BRMS1L: variants seen among roughly 807,000 people sequenced by gnomAD.
The protein encoded by BRMS1L is breast cancer metastasis-suppressor 1-like protein.
A neutral mutation model predicts 50.3 loss-of-function variants in BRMS1L; 23 were observed. That is an observed-to-expected ratio of 0.46 (90% CI 0.33 to 0.65). The LOEUF (loss-of-function observed/expected upper bound fraction) is 0.65, where lower values mean the gene tolerates loss of function less well. BRMS1L is among the 30% of genes least tolerant of loss of function. The pLI, the probability that BRMS1L is intolerant of heterozygous loss-of-function variation, is 0.02. For synonymous variants in BRMS1L, 114 were observed against 126.9 expected (o/e 0.90, Z 0.69); for missense variants, 286 against 386.1 (o/e 0.74, Z 2.17).
intron 4 of BRMS1L, among the ~76,000 whole-genome samples, chr14:35,837,697 T>A (rs114127301): frequency 0.03 from 4,596 of 152,030 alleles, 188 homozygotes; most frequent in African/African-American, 0.088. Flanking sequence ...ACTAGGCATG[T>A]GCCACCATGC....
intron 8 of BRMS1L, chr14:35,866,051 G>T: frequency 3.4e-6 from 1 of 293,040 alleles, no homozygotes; most frequent in Non-Finnish European, 6.2e-6. Context: ...TCATTCTATA[G>T]GGGAGGTATT....
chr14:35,830,395 A>G (rs2077903741), intron 1 of BRMS1L, among the ~76,000 whole-genome samples: 1 of 151,824 alleles, frequency 6.6e-6, no homozygotes, highest in African/African-American at 2.4e-5. Context: ...TTTTTGAGAC[A>G]GGATCTCTGT....
chr14:35,835,644 A>AC (rs2077981974), intron 4 of BRMS1L, among the ~76,000 whole-genome samples: 1 of 152,144 alleles, frequency 6.6e-6, no homozygotes. Context: ...GGAAGTCAAG[A>AC]CCAGTCTGGG....
intron 1 of BRMS1L, among the ~76,000 whole-genome samples, chr14:35,826,929 C>T (rs912627540): frequency 2.6e-5 from 4 of 152,204 alleles, no homozygotes; most frequent in Non-Finnish European, 5.9e-5. Context: ...CTGGAGCGAC[C>T]AGCCCAGGCG....
chr14:35,865,140 A>G, intron 7 of BRMS1L, 141 bp downstream of exon 7: 2 of 551,722 alleles, frequency 3.6e-6, no homozygotes, highest in East Asian at 3.3e-5. Flanking sequence ...ATTTAATACT[A>G]TTACAGATAG....
At position 35,862,406 on chromosome 14, in the gene BRMS1L, G is replaced by T. The variant is rs955658479; in HGVS notation, c.442-184G>T. Among the ~76,000 whole-genome samples, 20 of 152,120 alleles carry T rather than the reference G, an allele frequency of 1.3e-4. 1 individual carries two copies. The highest frequency in any genetic ancestry group is 6.8e-3 in the Middle Eastern group (2 of 294). On this transcript the variant is annotated intron_variant, in intron 4 of 9. Coordinates refer to ENST00000216807, the MANE Select transcript of BRMS1L (RefSeq NM_032352.4). ...TTGCATGTAGTTAAATCTATATATA[G>T]ATTCTATATTTTCTAGTTTTATTTC...
At chr14:35,834,179 G>T (rs972660399) in intron 3 of BRMS1L, among the ~76,000 whole-genome samples, 1 of 152,104 alleles carries the variant, frequency 6.6e-6, no homozygotes, top group Non-Finnish European at 1.5e-5. Context: ...GCCAACTATG[G>T]CATAAAGCTT....
Position 35,870,527 on chromosome 14 carries a change from A to C in BRMS1L, c.*50A>C, listed in dbSNP as rs756055880. The C allele has an allele frequency of 8.7e-7, 1 of 1,144,216 alleles. No homozygotes were observed. Among genetic ancestry groups the C allele is most frequent in the African/African-American group, 1.5e-5 (1 of 64,720 alleles). The allele number at this position is 1,144,216 out of a possible 1,614,324, so 70.9% of individuals were successfully genotyped here. A position where few individuals can be genotyped will look rare whatever the true frequency, so the allele number is the denominator to read the frequency against. ...TTACCTTATTAGTGTTACCAAATGT[A>C]AGTGCCATGAGAGTAAAAAAATGTA... is the stretch of plus-strand genomic sequence containing the variant. On this transcript the variant is annotated 3_prime_UTR_variant, in exon 10 of 10. Transcript: ENST00000216807.
chr14:35,837,098 T>C (rs1317700462), intron 4 of BRMS1L, among the ~76,000 whole-genome samples: 3 of 152,030 alleles, frequency 2.0e-5, no homozygotes, highest in Non-Finnish European at 2.9e-5. Flanking sequence ...CTACTAAAAA[T>C]ACAAAAATTA....
At chr14:35,870,272 T>C in intron 9 of BRMS1L, 88 bp from the exon 10 acceptor site, 1 of 751,024 alleles carries the variant, frequency 1.3e-6, no homozygotes, top group Non-Finnish European at 2.2e-6. Context: ...TGTAGGCCAG[T>C]TTATTTTGGT....
chr14:35,828,835 C>T (rs747186369), intron 1 of BRMS1L, among the ~76,000 whole-genome samples: 23 of 152,000 alleles, frequency 1.5e-4, no homozygotes, highest in Admixed American at 3.9e-4. Flanking sequence ...GGAACCTGCC[C>T]GATATGGGAA....
chr14:35,834,060 T>C (rs564604973), intron 3 of BRMS1L, among the ~76,000 whole-genome samples: 3 of 152,196 alleles, frequency 2.0e-5, no homozygotes, highest in Non-Finnish European at 4.4e-5. Context: ...TGGCCTCTTT[T>C]ATATTTTGAT....
chr14:35,863,506 T>C (rs963247718), intron 5 of BRMS1L, among the ~76,000 whole-genome samples: 2 of 152,190 alleles, frequency 1.3e-5, no homozygotes, highest in Admixed American at 6.5e-5. Context: ...GACAGTTACT[T>C]CACTTTTCTA....
rs2078495430 is a variant in BRMS1L, at chr14:35,871,823, T to G, written c.*1346T>G. The G allele has an allele frequency of 6.5e-6, 1 of 152,686 alleles. No homozygotes were observed. The highest frequency in any genetic ancestry group is 1.5e-5 in the Non-Finnish European group (1 of 68,046). The allele number at this position is 152,686 out of a possible 1,614,324, so 9.5% of individuals were successfully genotyped here. On this transcript the variant is annotated 3_prime_UTR_variant, in exon 10 of 10. Transcript: ENST00000216807. Reference sequence around the variant, plus strand: ...AAGTGATATTACGTTGTTCTGTTTCTAATTAACCTTAGCAAATGTACATAA... The same window carrying G: ...AAGTGATATTACGTTGTTCTGTTTCGAATTAACCTTAGCAAATGTACATAA...
intron 3 of BRMS1L, among the ~76,000 whole-genome samples, chr14:35,833,673 G>T (rs2077955476): frequency 1.3e-5 from 2 of 152,056 alleles, no homozygotes; most frequent in African/African-American, 4.8e-5. Flanking sequence ...TTTGTAAATA[G>T]GATCCAGCCT....
In BRMS1L at chr14:35,866,019, G is replaced by A. The variant is rs142171942; in HGVS notation, c.727+258G>A. On this transcript the variant is annotated intron_variant, in intron 8 of 9. Coordinates refer to ENST00000216807, the MANE Select transcript of BRMS1L (RefSeq NM_032352.4). ...ATCAGTAACTCAAAAAAGTATTTAT[G>A]CAGTGTTTTTTATGGGCTCTGTCAT... 2.5e-3 allele frequency: 979 copies of A among 396,076 alleles called. 5 individuals are homozygous for A. Among genetic ancestry groups the A allele is most frequent in the African/African-American group, 0.017 (795 of 47,614 alleles). 24.5% of individuals were successfully genotyped at this position (396,076 alleles called of 1,614,324 possible). A position where few individuals can be genotyped will look rare whatever the true frequency, so the allele number is the denominator to read the frequency against.
chr14:35,850,310 C>A (rs913026930), intron 4 of BRMS1L, among the ~76,000 whole-genome samples: 1 of 150,898 alleles, frequency 6.6e-6, no homozygotes, highest in Non-Finnish European at 1.5e-5. Context: ...TGGGTTCAAG[C>A]GATTCCCCTG....
At chr14:35,827,565 C>A (rs566350090) in intron 1 of BRMS1L, among the ~76,000 whole-genome samples, 1 of 152,290 alleles carries the variant, frequency 6.6e-6, no homozygotes, top group East Asian at 1.9e-4. Flanking sequence ...CCTTGCAAAG[C>A]AAATCTCCAT....
intron 4 of BRMS1L, among the ~76,000 whole-genome samples, chr14:35,857,527 G>A (rs574969197): frequency 6.6e-6 from 1 of 151,450 alleles, no homozygotes; most frequent in South Asian, 2.1e-4. Context: ...TTGCTATATT[G>A]CCCAGCTGGT....
Sources: gnomAD v4.1 joint callset for allele counts (sites outside exome capture counted in the v4.1 genomes callset) on GRCh38, gnomAD v4.1.1 for gene constraint, MANE v1.5 for transcripts, NCBI Gene and HGNC (gene_info 2026-07-23, HGNC 2026-07-21) for gene names.